SLC4A8: variants seen among roughly 807,000 people sequenced by gnomAD.
The protein encoded by SLC4A8 is solute carrier family 4 member 8.
In SLC4A8, 40 loss-of-function variants were observed where a neutral mutation model predicts 125.0. The ratio of observed to expected loss-of-function variants is 0.32; its 90% confidence interval spans 0.25 to 0.42. The LOEUF is 0.42. Ranked by LOEUF, SLC4A8 falls within the 10% of genes least tolerant of loss-of-function variation. The probability of loss-of-function intolerance (pLI) is 1.00; values close to 1 mark genes in which losing one functional copy is unlikely to be tolerated. For synonymous variants in SLC4A8, 456 were observed against 476.0 expected, an observed-to-expected ratio of 0.96 and a Z score of 0.55; for missense variants, 863 against 1,355.1, an observed-to-expected ratio of 0.64 and a Z score of 5.70.
intron 16 of SLC4A8, among the ~76,000 whole-genome samples, chr12:51,485,286 T>C (rs1951132971): frequency 6.6e-6 from 1 of 151,908 alleles, no homozygotes; most frequent in Non-Finnish European, 1.5e-5. Flanking sequence ...GCTGCTACCA[T>C]TACCTGAACA....
intron 16 of SLC4A8, among the ~76,000 whole-genome samples, chr12:51,477,065 T>C (rs1404337594): frequency 2.0e-5 from 3 of 151,766 alleles, no homozygotes; most frequent in Non-Finnish European, 2.9e-5. Flanking sequence ...TTACCATGCC[T>C]GGCTAATTTT....
At chr12:51,428,011 A>G (rs773447818) in intron 1 of SLC4A8, among the ~76,000 whole-genome samples, 32 of 152,134 alleles carry the variant, frequency 2.1e-4, no homozygotes, top group Admixed American at 6.5e-4. Flanking sequence ...CCACCCTCCC[A>G]GGACTGCCTC....
intron 16 of SLC4A8, among the ~76,000 whole-genome samples, chr12:51,484,031 T>C (rs1951100427): frequency 6.6e-6 from 1 of 152,188 alleles, no homozygotes; most frequent in African/African-American, 2.4e-5. Context: ...GAATGATGGT[T>C]TCCAGCTTCA....
At chr12:51,401,089 A>C (rs1272402902) in intron 1 of SLC4A8, among the ~76,000 whole-genome samples, 6 of 151,778 alleles carry the variant, frequency 4.0e-5, no homozygotes, top group Admixed American at 1.3e-4. Context: ...GGCAGCGTCT[A>C]CCTTTGGACA....
chr12:51,489,094 T>C (rs1409322162), intron 18 of SLC4A8, among the ~76,000 whole-genome samples: 2 of 152,186 alleles, frequency 1.3e-5, no homozygotes, highest in South Asian at 2.1e-4. Flanking sequence ...GGGAAGGTGA[T>C]TGGGTAGAGT....
chr12:51,456,943 A>T (rs7131892), intron 5 of SLC4A8, among the ~76,000 whole-genome samples: 1 of 151,912 alleles, frequency 6.6e-6, no homozygotes, highest in Non-Finnish European at 1.5e-5. Context: ...TGGAGGAAGG[A>T]AATGTAGGGG....
At chr12:51,430,186 G>A (rs1949142867) in intron 1 of SLC4A8, among the ~76,000 whole-genome samples, 1 of 152,080 alleles carries the variant, frequency 6.6e-6, no homozygotes, top group Non-Finnish European at 1.5e-5. Flanking sequence ...GGTGATAATT[G>A]AGAAACATGG....
chr12:51,398,856 T>C (rs1284407508), intron 1 of SLC4A8, among the ~76,000 whole-genome samples: 1 of 152,228 alleles, frequency 6.6e-6, no homozygotes, highest in Non-Finnish European at 1.5e-5. Context: ...TTCAAGCGAT[T>C]CTCCTGTCTC....
rs1565772518 is a variant in SLC4A8, at chr12:51,433,888, T to TG, written c.49-6820_49-6819insG. On this transcript the variant is annotated intron_variant, in intron 1 of 24. Transcript: ENST00000453097. ...TTTTTTTTTTTTTTTTGGTTGGTTT[T>TG]TTTTTGAGACAGGGTCTTTCTCCGT... 1.2e-3 allele frequency among the ~76,000 whole-genome samples: 157 copies of TG among 130,786 alleles called. 5 individuals are homozygous for TG. The highest frequency in any genetic ancestry group is 3.6e-3 in the Admixed American group (47 of 12,996). The allele number at this position is 130,786 out of a possible 152,430, so 85.8% of individuals were successfully genotyped here.
chr12:51,483,039 A>C (rs191115789), intron 16 of SLC4A8, among the ~76,000 whole-genome samples: 5 of 152,290 alleles, frequency 3.3e-5, no homozygotes, highest in African/African-American at 1.2e-4. Flanking sequence ...TTTAGGCATC[A>C]TTCTTTTGTG....
At chr12:51,449,805 G>A (rs1368720671) in intron 2 of SLC4A8, among the ~76,000 whole-genome samples, 4 of 152,150 alleles carry the variant, frequency 2.6e-5, no homozygotes, top group African/African-American at 9.7e-5. Context: ...CTTTCGAGGT[G>A]GAGACAGTAG....
At chr12:51,479,788 A>G (rs1242947395) in intron 16 of SLC4A8, among the ~76,000 whole-genome samples, 3 of 152,042 alleles carry the variant, frequency 2.0e-5, no homozygotes, top group Admixed American at 1.3e-4. Context: ...TGTAAAATCA[A>G]TGGTATAAAA....
rs554058722 is a variant in SLC4A8, at chr12:51,450,067, A to G, written c.131-809A>G. On this transcript the variant is annotated intron_variant, in intron 2 of 24. Transcript: ENST00000453097. ...AGAAATAGGAGCAGAGGAACTAGGGAGGGAACACTATTGGGTCACTTATTT... is the reference window on the plus strand; with the variant it reads ...AGAAATAGGAGCAGAGGAACTAGGGGGGGAACACTATTGGGTCACTTATTT... Among the ~76,000 whole-genome samples the G allele has an allele frequency of 3.5e-3, 540 of 152,228 alleles. 2 individuals are homozygous for G. The highest frequency in any genetic ancestry group is 0.013 in the African/African-American group (524 of 41,544).
intron 23 of SLC4A8, among the ~76,000 whole-genome samples, chr12:51,504,827 T>C (rs1938094157): frequency 6.6e-6 from 1 of 152,214 alleles, no homozygotes; most frequent in South Asian, 2.1e-4. Context: ...TCACCACAAA[T>C]GACAGGAAGC....
chr12:51,445,500 T>C (rs1474058474), intron 2 of SLC4A8, among the ~76,000 whole-genome samples: 1 of 152,194 alleles, frequency 6.6e-6, no homozygotes, highest in African/African-American at 2.4e-5. Flanking sequence ...ATTATGCTTT[T>C]TACAGCACAT....
At chr12:51,496,563 C>T (rs1472547754) in intron 21 of SLC4A8, among the ~76,000 whole-genome samples, 1 of 152,170 alleles carries the variant, frequency 6.6e-6, no homozygotes, top group Non-Finnish European at 1.5e-5. Flanking sequence ...AATGTATAGG[C>T]AAAGGATCAG....
chr12:51,477,956 C>T (rs1022189952), intron 16 of SLC4A8, among the ~76,000 whole-genome samples: 1 of 152,140 alleles, frequency 6.6e-6, no homozygotes, highest in African/African-American at 2.4e-5. Flanking sequence ...CATGGCAAAA[C>T]GCTTTCTCTA....
chr12:51,453,837 C>T (rs1047809086), intron 5 of SLC4A8, 138 bp downstream of exon 5: 13 of 673,438 alleles, frequency 1.9e-5, no homozygotes, highest in Non-Finnish European at 3.2e-5. Context: ...GCCTCAATGT[C>T]CTTGGCTGTG....
Position 51,403,659 on chromosome 12 carries a change from G to A in SLC4A8, c.-112+12171G>A, listed in dbSNP as rs866948761. Among the ~76,000 whole-genome samples, 34 of 152,268 alleles carry A rather than the reference G, an allele frequency of 2.2e-4. 1 individual carries two copies. The highest frequency in any genetic ancestry group is 6.2e-4 in the South Asian group (3 of 4,822). The stretch of plus-strand genomic sequence containing the variant: ...AGACTGGAGCAGCAGATAACGGCAG[G>A]TTCACTGCCTTTATACCCCAGCCAC... On this transcript the variant is annotated intron_variant, in intron 1 of 24. Coordinates refer to the SLC4A8 transcript ENST00000358657.
Sources: gnomAD v4.1 joint callset for allele counts (sites outside exome capture counted in the v4.1 genomes callset) on GRCh38, gnomAD v4.1.1 for gene constraint, MANE v1.5 for transcripts, NCBI Gene and HGNC (gene_info 2026-07-23, HGNC 2026-07-21) for gene names.